DGCR2: variants seen among roughly 807,000 people sequenced by gnomAD.
DGCR2 encodes the protein DiGeorge syndrome critical region gene 2, also known as integral membrane protein DGCR2/IDD.
In DGCR2, 24 loss-of-function variants were observed where a neutral mutation model predicts 51.6. The observed-to-expected ratio is 0.47, with a 90% CI of 0.34 to 0.65. The LOEUF (loss-of-function observed/expected upper bound fraction) is 0.65. DGCR2 is among the 30% of genes least tolerant of loss of function. DGCR2 has a pLI of 0.01. For missense variants in DGCR2, 765 were observed against 772.1 expected (o/e 0.99, Z 0.11); for synonymous variants, 340 against 315.4 (o/e 1.08, Z -0.82).
At chr22:19,074,886 C>T (rs949118753) in intron 2 of DGCR2, among the ~76,000 whole-genome samples, 6 of 152,088 alleles carry the variant, frequency 3.9e-5, no homozygotes, top group Non-Finnish European at 5.9e-5. Context: ...CCAGGTTTCC[C>T]GCTACAGGGG....
At chr22:19,105,591 G>A (rs2083253171) in intron 1 of DGCR2, among the ~76,000 whole-genome samples, 2 of 152,208 alleles carry the variant, frequency 1.3e-5, no homozygotes. Context: ...AAGGCACACT[G>A]TACTCCGGGG....
intron 1 of DGCR2, among the ~76,000 whole-genome samples, chr22:19,110,065 T>C (rs2083298300): frequency 6.6e-6 from 1 of 152,250 alleles, no homozygotes; most frequent in African/African-American, 2.4e-5. Context: ...TGTCCTATCA[T>C]ATGGGGTCTT....
In DGCR2 at chr22:19,043,206, G is replaced by A. The variant is rs117957780; in HGVS notation, c.1007-1247C>T. On this transcript the variant is annotated intron_variant, in intron 7 of 9. Transcript: ENST00000263196. ...CTTCTTCAACCATTTCACGCTTTTC[G>A]TGACCACCACTTGGCTGGGATGCTA... 9.7e-3 allele frequency among the ~76,000 whole-genome samples: 1,481 copies of A among 152,316 alleles called. 9 individuals are homozygous for A. The highest frequency in any genetic ancestry group is 0.014 in the Non-Finnish European group (948 of 68,020).
In DGCR2 at chr22:19,041,310, T is replaced by A. The variant is rs1288011713; in HGVS notation, c.1160-16A>T. 1 of 1,611,422 alleles carries A rather than the reference T, an allele frequency of 6.2e-7. No individual in the cohort carries two copies. Among genetic ancestry groups the A allele is most frequent in the Non-Finnish European group, 8.5e-7 (1 of 1,178,404 alleles). ...AAGTGGTGCACTGGGCCATCAAAAG[T>A]GTGCAACGGGAACAGAGACAAGTCA... is the stretch of plus-strand genomic sequence containing the variant. On this transcript the variant is annotated splice_polypyrimidine_tract_variant and intron_variant, in intron 8 of 9. Coordinates refer to ENST00000263196, the MANE Select transcript of DGCR2 (RefSeq NM_005137.3).
chr22:19,078,769 T>C (rs2082906190), intron 2 of DGCR2, among the ~76,000 whole-genome samples: 1 of 152,210 alleles, frequency 6.6e-6, no homozygotes, highest in African/African-American at 2.4e-5. Context: ...GTTTTGCTAG[T>C]ATTTTGTTGA....
At chr22:19,051,017 T>G (rs2082542211) in intron 6 of DGCR2, among the ~76,000 whole-genome samples, 1 of 151,718 alleles carries the variant, frequency 6.6e-6, no homozygotes, top group Non-Finnish European at 1.5e-5. Flanking sequence ...TGTGAAACCC[T>G]GTCTCTACTA....
chr22:19,050,826 T>G (rs920234296), intron 6 of DGCR2, among the ~76,000 whole-genome samples: 32 of 152,162 alleles, frequency 2.1e-4, no homozygotes, highest in African/African-American at 7.5e-4. Context: ...GATTAAAATT[T>G]TAGGAAAAAA....
intron 6 of DGCR2, chr22:19,056,545 T>C: frequency 2.7e-6 from 1 of 372,884 alleles, no homozygotes; most frequent in East Asian, 5.5e-5. Context: ...TAGAGTTAGC[T>C]GGCTTTAATA....
intron 1 of DGCR2, among the ~76,000 whole-genome samples, chr22:19,109,988 T>C (rs538588734): frequency 6.6e-6 from 1 of 152,352 alleles, no homozygotes; most frequent in East Asian, 1.9e-4. Context: ...AGTTCCTCCC[T>C]TGTCTAACAG....
intron 3 of DGCR2, among the ~76,000 whole-genome samples, chr22:19,066,867 C>T (rs1052468907): frequency 5.9e-5 from 9 of 152,210 alleles, no homozygotes; most frequent in African/African-American, 2.2e-4. Flanking sequence ...GCATCAGGAC[C>T]CCCTGGGGCT....
chr22:19,043,643 G>C (rs1019878943), intron 7 of DGCR2, among the ~76,000 whole-genome samples: 1 of 152,228 alleles, frequency 6.6e-6, no homozygotes, highest in East Asian at 1.9e-4. Context: ...CACACCAGCA[G>C]GGACCCTGCT....
At chr22:19,113,915 C>T (rs959816807) in intron 1 of DGCR2, among the ~76,000 whole-genome samples, 5 of 151,766 alleles carry the variant, frequency 3.3e-5, no homozygotes, top group Non-Finnish European at 5.9e-5. Context: ...AAAAATTAGC[C>T]GGGCATGGTG....
At position 19,122,125 on chromosome 22, in the gene DGCR2, C is replaced by G. The variant is rs2083440940; in HGVS notation, c.79+3G>C. 1 of 1,493,152 alleles carries G rather than the reference C, an allele frequency of 6.7e-7. No individual in the cohort carries two copies. The allele number at this position is 1,493,152 out of a possible 1,614,324, so 92.5% of individuals were successfully genotyped here. A position where few individuals can be genotyped will look rare whatever the true frequency, so the allele number is the denominator to read the frequency against. On this transcript the variant is annotated splice_donor_region_variant and intron_variant, in intron 1 of 9. Transcript: ENST00000263196. ...CCCACACCGCCCCCATCGCGCGGCG[C>G]ACCTGGCCGCAGCGGCTCGGTGACA...
chr22:19,069,518 C>T (rs1412437118), intron 2 of DGCR2, among the ~76,000 whole-genome samples: 1 of 152,176 alleles, frequency 6.6e-6, no homozygotes, highest in Non-Finnish European at 1.5e-5. Context: ...AGTCTCTTTT[C>T]TACACAAATC....
At chr22:19,045,200 G>A (rs1024727704) in intron 7 of DGCR2, 3 of 152,208 alleles carry the variant, frequency 2.0e-5, no homozygotes, top group Admixed American at 2.0e-4. Flanking sequence ...CAGCACCAGT[G>A]GTTGAAAGAC....
chr22:19,056,884 A>G (rs1407363055), intron 6 of DGCR2, 102 bp downstream of exon 6: 1 of 1,328,604 alleles, frequency 7.5e-7, no homozygotes, highest in Non-Finnish European at 1.0e-6. Flanking sequence ...CCACCGCAAC[A>G]CTGCAAATCA....
chr22:19,100,398 T>C lies in DGCR2; in HGVS notation c.80-10908A>G, dbSNP rs1044666646. Among the ~76,000 whole-genome samples the C allele has an allele frequency of 6.6e-5, 10 of 152,318 alleles. 1 individual carries two copies. Among genetic ancestry groups the C allele is most frequent in the African/African-American group, 2.4e-4 (10 of 41,564 alleles). ...AGGCCAGCTCCTCTTAGCCAATGGA[T>C]TGTTGACACTTTATGAAACAATCCA... On this transcript the variant is annotated intron_variant, in intron 1 of 9. Coordinates refer to ENST00000263196, the MANE Select transcript of DGCR2 (RefSeq NM_005137.3).
intron 2 of DGCR2, among the ~76,000 whole-genome samples, chr22:19,068,993 G>T (rs1265584921): frequency 2.0e-5 from 3 of 152,252 alleles, no homozygotes; most frequent in African/African-American, 7.2e-5. Flanking sequence ...CAAGGTGAAG[G>T]GCAGACTCAG....
intron 1 of DGCR2, among the ~76,000 whole-genome samples, chr22:19,105,036 C>T (rs552009973): frequency 1.3e-5 from 2 of 152,288 alleles, no homozygotes; most frequent in South Asian, 4.1e-4. Flanking sequence ...CAAGAAGGGA[C>T]AGAGGGCCGG....
Sources: allele counts gnomAD v4.1 joint callset (sites outside exome capture counted in the v4.1 genomes callset), GRCh38; gene constraint gnomAD v4.1.1; transcripts MANE v1.5; gene names NCBI Gene and HGNC (gene_info 2026-07-23, HGNC 2026-07-21).